Variants in SLC5A8 observed in about 807,000 individuals in gnomAD.
SLC5A8 encodes solute carrier family 5 member 8.
In SLC5A8, 55 loss-of-function variants were observed where a neutral mutation model predicts 71.9. The ratio of observed to expected loss-of-function variants is 0.77; its 90% CI spans 0.62 to 0.96. SLC5A8 has a LOEUF of 0.96. SLC5A8 is among the 40% of genes least tolerant of loss of function. SLC5A8 has a pLI of 0.00. For missense variants in SLC5A8, 701 were observed against 745.3 expected (o/e 0.94, Z 0.69); for synonymous variants, 307 against 276.1 (o/e 1.11, Z -1.11).
At chr12:101,203,456 T>C (rs2137170236) in intron 2 of SLC5A8, among the ~76,000 whole-genome samples, 1 of 152,316 alleles carries the variant, frequency 6.6e-6, no homozygotes. Flanking sequence ...CAAGTGATTC[T>C]CCCACCTTAG....
intron 8 of SLC5A8, 148 bp from the exon 9 acceptor site, chr12:101,183,063 T>TTTTTTTTG: frequency 2.4e-6 from 1 of 424,406 alleles, no homozygotes; most frequent in African/African-American, 2.3e-5. Flanking sequence ...TTTTTTTTTT[T>TTTTTTTTG]GAGACGGAGT....
At chr12:101,199,977 G>A (rs1283009679) in intron 3 of SLC5A8, among the ~76,000 whole-genome samples, 23 of 70,706 alleles carry the variant, frequency 3.3e-4, no homozygotes, top group African/African-American at 1.1e-3. Context: ...ATAAAAAAAT[G>A]TTGGTAGAGG....
Position 101,172,363 on chromosome 12 carries a change from C to G in SLC5A8, c.1234-4181G>C, listed in dbSNP as rs138108961. ...CCCAAAGGTGGAAGTTGATGCTCAG[C>G]CATCCAGATGGGTGGTAGGTCAGTG... On this transcript the variant is annotated intron_variant, in intron 10 of 14. Coordinates refer to ENST00000536262, the MANE Select transcript of SLC5A8 (RefSeq NM_145913.5). 5.8e-4 allele frequency among the ~76,000 whole-genome samples: 89 copies of G among 152,252 alleles called. 2 individuals are homozygous for G. The East Asian group carries it at 0.016, about 27-fold the overall frequency.
At position 101,155,701 on chromosome 12, in the gene SLC5A8, A is replaced by G. The variant is rs938105055; in HGVS notation, c.*1578T>C. The stretch of plus-strand genomic sequence containing the variant: ...ATTTTTGTAGAGATGAGGTCTAACT[A>G]TGTTTCCAGGCTGGACTTAAACTCT... On this transcript the variant is annotated 3_prime_UTR_variant, in exon 15 of 15. Transcript: ENST00000536262. The G allele has an allele frequency of 2.7e-5, 4 of 149,764 alleles. No homozygotes were observed. Among genetic ancestry groups the G allele is most frequent in the Non-Finnish European group, 5.9e-5 (4 of 67,682 alleles). The allele number at this position is 149,764 out of a possible 1,614,324, so 9.3% of individuals were successfully genotyped here.
intron 5 of SLC5A8, among the ~76,000 whole-genome samples, chr12:101,191,706 C>T (rs1430071895): frequency 5.9e-5 from 9 of 152,208 alleles, no homozygotes; most frequent in Non-Finnish European, 1.0e-4. Flanking sequence ...AATACCAATA[C>T]AATATCCTTC....
rs1174919131 is a variant in SLC5A8, at chr12:101,191,730, TCTTAACTTGAGCAATA to T, written c.693-1138_693-1123del. Among the ~76,000 whole-genome samples the T allele has an allele frequency of 3.9e-5, 6 of 152,338 alleles. No individual in the cohort carries two copies. In the East Asian group the frequency reaches 7.7e-4, roughly 20 times the overall value. ...ACAATATCCTTCTTCTCTTCATTTATCTTAACTTGAGCAATACTTTGTCTATCATATTCTCAAAACA... is the reference window on the plus strand; with the variant it reads ...ACAATATCCTTCTTCTCTTCATTTATCTTTGTCTATCATATTCTCAAAACA... On this transcript the variant is annotated intron_variant, in intron 5 of 14. Coordinates refer to ENST00000536262, the MANE Select transcript of SLC5A8 (RefSeq NM_145913.5).
chr12:101,206,550 A>C (rs1431115421), intron 1 of SLC5A8, among the ~76,000 whole-genome samples: 1 of 152,334 alleles, frequency 6.6e-6, no homozygotes, highest in African/African-American at 2.4e-5. Context: ...TTATGATCTC[A>C]GCCATCAATT....
intron 1 of SLC5A8, among the ~76,000 whole-genome samples, chr12:101,208,112 T>A (rs1029795624): frequency 2.0e-5 from 3 of 150,490 alleles, no homozygotes; most frequent in African/African-American, 7.3e-5. Context: ...AAAAAAAAAA[T>A]GACTGAGAAG....
At position 101,200,046 on chromosome 12, in the gene SLC5A8, AAAAAAAAAG is replaced by A. The variant is rs1286393740; in HGVS notation, c.469+2109_469+2117del. Among the ~76,000 whole-genome samples the A allele has an allele frequency of 1.2e-3, 121 of 100,470 alleles. 16 individuals carry two copies. The highest frequency in any genetic ancestry group is 2.4e-3 in the South Asian group (7 of 2,960). 65.9% of individuals were successfully genotyped at this position (100,470 alleles called of 152,430 possible). On this transcript the variant is annotated intron_variant, in intron 3 of 14. Coordinates refer to ENST00000536262, the MANE Select transcript of SLC5A8 (RefSeq NM_145913.5). ...AAAAAAAAAAAAAAAAAAAAAAAAAAAAAAAAAAGGGAATGAACTACTGATATATATGTA... is the reference window on the plus strand; with the variant it reads ...AAAAAAAAAAAAAAAAAAAAAAAAAAGGAATGAACTACTGATATATATGTA...
At position 101,179,762 on chromosome 12, in the gene SLC5A8, G is replaced by A. The variant is rs143678924; in HGVS notation, c.1233+267C>T. ...GAGTTTGATATTGTACTATCAAGATGTTACCACTGCAAGATGTTACCACTG... is the reference window on the plus strand; with the variant it reads ...GAGTTTGATATTGTACTATCAAGATATTACCACTGCAAGATGTTACCACTG... On this transcript the variant is annotated intron_variant, in intron 10 of 14. Coordinates refer to ENST00000536262, the MANE Select transcript of SLC5A8 (RefSeq NM_145913.5). Among the ~76,000 whole-genome samples the A allele has an allele frequency of 3.3e-3, 505 of 152,250 alleles. 3 individuals are homozygous for A. Among genetic ancestry groups the A allele is most frequent in the African/African-American group, 0.012 (481 of 41,534 alleles).
At chr12:101,183,035 C>CTTTTTTTTTTTTTTTTTT (rs34182928) in intron 8 of SLC5A8, 120 bp from the exon 9 acceptor site, 1 of 73,518 alleles carries the variant, frequency 1.4e-5, no homozygotes, top group African/African-American at 6.0e-5. Context: ...TTCTACTATG[C>CTTTTTTTTTTTTTTTTTT]TTTTTTTTTT....
Position 101,178,273 on chromosome 12 carries a change from A to AT in SLC5A8, c.1233+1755dup, listed in dbSNP as rs554349690. Reference sequence around the variant, plus strand: ...TTCAGGCTATCAATATTTAAGCAAGATTTTTTTTGTAGATACAGACAAGAT... The same window carrying AT: ...TTCAGGCTATCAATATTTAAGCAAGATTTTTTTTTGTAGATACAGACAAGAT... On this transcript the variant is annotated intron_variant, in intron 10 of 14. Transcript: ENST00000536262. Among the ~76,000 whole-genome samples the AT allele has an allele frequency of 6.7e-3, 1,021 of 152,150 alleles. 10 individuals are homozygous for AT. Among genetic ancestry groups the AT allele is most frequent in the Non-Finnish European group, 0.012 (812 of 67,946 alleles).
chr12:101,205,275 A>G (rs1593386743), intron 1 of SLC5A8, among the ~76,000 whole-genome samples: 1 of 152,158 alleles, frequency 6.6e-6, no homozygotes, highest in Non-Finnish European at 1.5e-5. Context: ...CCTCTGTTCT[A>G]TGAGCTACCC....
intron 8 of SLC5A8, among the ~76,000 whole-genome samples, chr12:101,183,908 G>C (rs1868483340): frequency 6.6e-6 from 1 of 152,104 alleles, no homozygotes; most frequent in African/African-American, 2.4e-5. Flanking sequence ...TAGGATGTAT[G>C]GTGGTGTATT....
In SLC5A8 at chr12:101,187,248, A is replaced by G. The variant is rs568797267; in HGVS notation, c.963+138T>C. On this transcript the variant is annotated intron_variant, in intron 7 of 14. Transcript: ENST00000536262. ...ATATCTGCTAAAATAAATTCTTAAC[A>G]AAGTTTTATAGAAATGTAAGATGAT... 26 of 980,082 alleles carry G rather than the reference A, an allele frequency of 2.7e-5. 1 individual carries two copies. In the East Asian group the frequency reaches 7.3e-4, roughly 28 times the overall value. The allele number at this position is 980,082 out of a possible 1,614,324, so 60.7% of individuals were successfully genotyped here. A position where few individuals can be genotyped will look rare whatever the true frequency, so the allele number is the denominator to read the frequency against.
rs138628473 is a variant in SLC5A8, at chr12:101,177,104, C to T, written c.1233+2925G>A. 2.5e-4 allele frequency among the ~76,000 whole-genome samples: 38 copies of T among 151,932 alleles called. 1 individual carries two copies. The South Asian group carries it at 5.8e-3, about 23-fold the overall frequency. On this transcript the variant is annotated intron_variant, in intron 10 of 14. Transcript: ENST00000536262. ...GCTATCACTACAGGTCCTGCAGATG[C>T]CAAAGGATAGTACAGAACTACTATG... is the stretch of plus-strand genomic sequence containing the variant.
intron 9 of SLC5A8, 57 bp downstream of exon 9, chr12:101,182,746 G>T: frequency 1.6e-6 from 2 of 1,257,650 alleles, no homozygotes; most frequent in Non-Finnish European, 2.2e-6. Context: ...AGAAATTTTT[G>T]TGTCTCAAAA....
intron 10 of SLC5A8, among the ~76,000 whole-genome samples, chr12:101,177,436 G>C (rs1360371618): frequency 8.1e-6 from 1 of 123,888 alleles, no homozygotes; most frequent in Non-Finnish European, 1.6e-5. Context: ...AAAACCAAAG[G>C]CAGTATATAC....
intron 10 of SLC5A8, among the ~76,000 whole-genome samples, chr12:101,169,085 T>A (rs967126386): frequency 4.6e-5 from 7 of 152,306 alleles, no homozygotes; most frequent in African/African-American, 1.7e-4. Flanking sequence ...TTTAAAAGGA[T>A]GCGGACTCAA....
Sources: gnomAD v4.1 joint callset for allele counts (sites outside exome capture counted in the v4.1 genomes callset) on GRCh38, gnomAD v4.1.1 for gene constraint, MANE v1.5 for transcripts, NCBI Gene and HGNC (gene_info 2026-07-23, HGNC 2026-07-21) for gene names.